Variants in MZF1 observed in about 807,000 individuals in gnomAD.
MZF1 encodes the protein myeloid zinc finger 1, also known as zinc finger and SCAN domain-containing protein 6.
MZF1 carries 24 observed loss-of-function variants against 28.6 expected under a neutral mutation model. The observed-to-expected ratio is 0.84, with a 90% CI of 0.61 to 1.18. The LOEUF (loss-of-function observed/expected upper bound fraction) is 1.18, where lower values mean the gene tolerates loss of function less well. Among genes scored for constraint, MZF1 ranks in the 50% most tolerant of loss-of-function variants. MZF1 has a pLI of 0.00. For synonymous variants in MZF1, 516 were observed against 432.5 expected, an observed-to-expected ratio of 1.19 and a Z score of -2.40; for missense variants, 1,166 against 1,026.4, an observed-to-expected ratio of 1.14 and a Z score of -1.86.
Position 58,569,568 on chromosome 19 carries a change from G to A in MZF1, c.599C>T (p.Pro200Leu). ...TEDSDFLESG[P>L]LAATQESVPT... ...TACAGACTCCTGGGTGGCAGCTAGA[G>A]GCCCAGACTCCAGGAAATCTAGAGA... Residue 200 changes from proline (P) to leucine (L), a missense_variant, in exon 4 of 6, where the codon CCT becomes CTT. By Grantham distance (98) the Pro-to-Leu change is moderately conservative (BLOSUM62 -3). Transcript: ENST00000215057. 1 of 1,605,490 alleles carries A rather than the reference G, an allele frequency of 6.2e-7. No individual in the cohort carries two copies. Among genetic ancestry groups the A allele is most frequent in the South Asian group, 1.1e-5 (1 of 90,444 alleles).
chr19:58,562,266 G>A lies in MZF1; in HGVS notation c.2011C>T (p.His671Tyr), dbSNP rs2053940559. 1 of 1,605,722 alleles carries A rather than the reference G, an allele frequency of 6.2e-7. No individual in the cohort carries two copies. The highest frequency in any genetic ancestry group is 8.5e-7 in the Non-Finnish European group (1 of 1,177,282). Residue 671 changes from histidine (H) to tyrosine (Y), a missense_variant, in exon 6 of 6, where the codon CAC (histidine) becomes TAC (tyrosine). Physicochemically the swap from His to Tyr is moderately conservative, Grantham distance 83. Coordinates refer to ENST00000215057, the MANE Select transcript of MZF1 (RefSeq NM_198055.2). ...CGTTCACCCGTGTGGATGCGCCGGT[G>A]CTGGGTGAGGTTGGCGTGCTGCCGA... ...SFRQHANLTQ[H>Y]RRIHTGERPY...
In MZF1 at chr19:58,571,114, G is replaced by T. The variant is rs756087078; in HGVS notation, c.276C>A (p.Phe92Leu). The T allele has an allele frequency of 6.2e-7, 1 of 1,614,014 alleles. No individual in the cohort carries two copies. Reference sequence around the variant, plus strand: ...GGATCTCAGGGGGCAGTGCGCCCAGGAACTGCTCCAGCACCAACAGCTCCA... The same window carrying T: ...GGATCTCAGGGGGCAGTGCGCCCAGTAACTGCTCCAGCACCAACAGCTCCA... Reference protein sequence around the residue: ...QMLELLVLEQFLGALPPEIQA... With the variant: ...QMLELLVLEQLLGALPPEIQA... The change falls in exon 2 of 6, where the codon TTC (phenylalanine) becomes TTA (leucine). Residue 92 changes from phenylalanine (F) to leucine (L), a missense_variant. Physicochemically the swap from Phe to Leu is conservative, Grantham distance 22 (BLOSUM62 0). Transcript: ENST00000215057.
At chr19:58,569,742 G>C in intron 3 of MZF1, 156 bp from the exon 4 acceptor site, 1 of 622,388 alleles carries the variant, frequency 1.6e-6, no homozygotes, top group South Asian at 2.0e-5. Flanking sequence ...GCCCAGCTCA[G>C]GGGCTGGGTG....
At chr19:58,572,771 C>T in intron 1 of MZF1, 1 of 472,548 alleles carries the variant, frequency 2.1e-6, no homozygotes, top group South Asian at 1.8e-5. Flanking sequence ...CGGAGGGTCC[C>T]GAAATACACT....
In MZF1 at chr19:58,562,801, C is replaced by T. The variant is rs771586680; in HGVS notation, c.1476G>A (p.Glu492=). Residue 492 remains glutamate, a synonymous_variant, in exon 6 of 6, where the codon GAG becomes GAA. Coordinates refer to ENST00000215057, the MANE Select transcript of MZF1 (RefSeq NM_198055.2). ...GCAGCACGGCGCGCCGCGCGAAGCT[C>T]TCGCGGCACTCGCTGCACGGAAAGG... ...PGPFPCSECR[E]SFARRAVLLE... is the part of the protein sequence containing the mutation. 2 of 1,534,506 alleles carry T rather than the reference C, an allele frequency of 1.3e-6. No homozygotes were observed. The highest frequency in any genetic ancestry group is 2.4e-5 in the South Asian group (2 of 84,312).
intron 5 of MZF1, chr19:58,564,641 T>A (rs2054003728): frequency 6.6e-6 from 1 of 152,222 alleles, no homozygotes; most frequent in Non-Finnish European, 1.5e-5. Flanking sequence ...GAAGACAGTG[T>A]GGTAAAATCC....
At chr19:58,563,650 C>G in intron 5 of MZF1, 146 bp from the exon 6 acceptor site, 2 of 634,400 alleles carry the variant, frequency 3.2e-6, no homozygotes, top group East Asian at 2.8e-5. Flanking sequence ...GGTAGGGATT[C>G]TATCTGTACA....
At position 58,563,118 on chromosome 19, in the gene MZF1, T is replaced by G; in HGVS notation, c.1159A>C (p.Ser387Arg). ...CGGCTGAAGCTGCGGCCGCACTCGC[T>G]GCACACGAATGGTCGCTCACCCGTG... ...IHTGERPFVC[S>R]ECGRSFSRSS... Residue 387 changes from serine to arginine, a missense_variant, in exon 6 of 6, where the codon AGC becomes CGC. By Grantham distance (110) the Ser-to-Arg change is moderately radical. Transcript: ENST00000215057. 1 of 1,607,186 alleles carries G rather than the reference T, an allele frequency of 6.2e-7. No homozygotes were observed. Among genetic ancestry groups the G allele is most frequent in the Non-Finnish European group, 8.5e-7 (1 of 1,179,454 alleles).
chr19:58,564,834 C>T (rs970861952), intron 5 of MZF1, among the ~76,000 whole-genome samples: 1 of 139,488 alleles, frequency 7.2e-6, no homozygotes, highest in Non-Finnish European at 1.5e-5. Flanking sequence ...CTGCTGTGTA[C>T]TTAAGTTGGA....
At chr19:58,565,037 C>A (rs1429136736) in intron 5 of MZF1, among the ~76,000 whole-genome samples, 1 of 145,034 alleles carries the variant, frequency 6.9e-6, no homozygotes, top group Non-Finnish European at 1.5e-5. Flanking sequence ...TCTGCTGCTT[C>A]ATCTTCCTGA....
intron 5 of MZF1, among the ~76,000 whole-genome samples, chr19:58,565,753 C>T (rs935234114): frequency 2.1e-5 from 3 of 143,698 alleles, no homozygotes; most frequent in African/African-American, 5.1e-5. Context: ...AGGATGGTCT[C>T]GATCTCCTGA....
chr19:58,571,203 C>A lies in MZF1; in HGVS notation c.187G>T (p.Ala63Ser), dbSNP rs754862542. The change falls in exon 2 of 6, where the codon GCC becomes TCC. Residue 63 changes from alanine to serine, a missense_variant. By Grantham distance (99) the Ala-to-Ser change is moderately conservative. Coordinates refer to ENST00000215057, the MANE Select transcript of MZF1 (RefSeq NM_198055.2). The stretch of plus-strand genomic sequence containing the variant: ...TGGCGACACAGCTCTCGGAGCTGGG[C>A]CAGGGCCTCTTGGGGCCCTGTGGCC... ...EEATGPQEAL[A>S]QLRELCRQWL... 9.3e-6 allele frequency: 15 copies of A among 1,612,966 alleles called. No individual in the cohort carries two copies. In the Admixed American group the frequency reaches 2.5e-4, roughly 27 times the overall value.
intron 5 of MZF1, among the ~76,000 whole-genome samples, chr19:58,566,271 A>T (rs1406138701): frequency 6.7e-6 from 1 of 150,102 alleles, no homozygotes; most frequent in Non-Finnish European, 1.5e-5. Context: ...ACATGGGGAA[A>T]CCCCGTCTCT....
intron 3 of MZF1, chr19:58,570,126 C>G: frequency 1.9e-6 from 1 of 523,284 alleles, no homozygotes; most frequent in East Asian, 3.3e-5. Flanking sequence ...TTCGTGGGTA[C>G]AGGGCTGTGG....
In MZF1 at chr19:58,571,239, G is replaced by T. The variant is rs377275321; in HGVS notation, c.151C>A (p.Arg51Ser). 1 of 1,612,292 alleles carries T rather than the reference G, an allele frequency of 6.2e-7. No homozygotes were observed. The highest frequency in any genetic ancestry group is 8.5e-7 in the Non-Finnish European group (1 of 1,179,176). Residue 51 changes from arginine to serine, a missense_variant, in exon 2 of 6, where the codon CGC (arginine) becomes AGC (serine). Arg to Ser is a moderately radical substitution (Grantham distance 110). Coordinates refer to ENST00000215057, the MANE Select transcript of MZF1 (RefSeq NM_198055.2). ...TGGGGCCCTGTGGCCTCCTCATAGCGGAAGCACCGGAAACGCAGGCGTGCA... is the reference window on the plus strand; with the variant it reads ...TGGGGCCCTGTGGCCTCCTCATAGCTGAAGCACCGGAAACGCAGGCGTGCA... ...EAARLRFRCF[R>S]YEEATGPQEA... is the part of the protein sequence containing the mutation.
chr19:58,569,027 A>G, intron 5 of MZF1: 1 of 423,222 alleles, frequency 2.4e-6, no homozygotes, highest in Non-Finnish European at 4.2e-6. Flanking sequence ...CCTGCTTGCA[A>G]AAGGTTTTAC....
chr19:58,565,286 G>T (rs933544868), intron 5 of MZF1, among the ~76,000 whole-genome samples: 2 of 147,918 alleles, frequency 1.4e-5, no homozygotes, highest in African/African-American at 5.3e-5. Flanking sequence ...TAGAGACAGG[G>T]TTTCTCCATG....
intron 5 of MZF1, among the ~76,000 whole-genome samples, chr19:58,567,687 G>T (rs531960137): frequency 3.5e-4 from 53 of 152,268 alleles, no homozygotes; most frequent in Non-Finnish European, 6.0e-4. Flanking sequence ...GTCTCCTTGG[G>T]GAGTGGGGTT....
intron 5 of MZF1, among the ~76,000 whole-genome samples, chr19:58,567,537 T>A (rs562810384): frequency 6.6e-6 from 1 of 152,248 alleles, no homozygotes; most frequent in Non-Finnish European, 1.5e-5. Flanking sequence ...TGAAGTTACC[T>A]TCTTGCAGGA....
Sources: gnomAD v4.1 joint callset for allele counts (sites outside exome capture counted in the v4.1 genomes callset) on GRCh38, gnomAD v4.1.1 for gene constraint, MANE v1.5 for transcripts, NCBI Gene and HGNC (gene_info 2026-07-23, HGNC 2026-07-21) for gene names.